The following PRKAA2 variants were observed in gnomAD, a reference collection of about 807,000 sequenced individuals.
PRKAA2 encodes the protein protein kinase AMP-activated catalytic subunit alpha 2.
In PRKAA2, 40 loss-of-function variants were observed where a neutral mutation model predicts 56.3. That is an observed-to-expected ratio of 0.71 (90% CI 0.55 to 0.92). The LOEUF (loss-of-function observed/expected upper bound fraction) is 0.92, where lower values mean the gene tolerates loss of function less well. PRKAA2 is among the 40% of genes least tolerant of loss of function. The pLI, the probability that PRKAA2 is intolerant of heterozygous loss-of-function variation, is 0.00. For synonymous variants in PRKAA2, 214 were observed against 234.2 expected, an observed-to-expected ratio of 0.91 and a Z score of 0.79; for missense variants, 542 against 686.9, an observed-to-expected ratio of 0.79 and a Z score of 2.36.
At chr1:56,647,919 A>G (rs1646656693) in intron 1 of PRKAA2, among the ~76,000 whole-genome samples, 1 of 151,842 alleles carries the variant, frequency 6.6e-6, no homozygotes, top group South Asian at 2.1e-4. Flanking sequence ...AATCCCAGCT[A>G]CTGAGGAGTC....
chr1:56,661,061 C>T (rs925350715), intron 1 of PRKAA2, among the ~76,000 whole-genome samples: 3 of 152,084 alleles, frequency 2.0e-5, no homozygotes, highest in South Asian at 2.1e-4. Context: ...TTACATAACG[C>T]TGCTGATCAC....
intron 7 of PRKAA2, 52 bp from the exon 8 acceptor site, chr1:56,706,040 T>C: frequency 3.3e-6 from 5 of 1,497,556 alleles, no homozygotes; most frequent in Non-Finnish European, 4.5e-6. Flanking sequence ...TTTTTTTGCA[T>C]AAAAAGGTAG....
At chr1:56,691,652 C>G (rs1294188517) in intron 3 of PRKAA2, among the ~76,000 whole-genome samples, 165 bp downstream of exon 3, 1 of 152,136 alleles carries the variant, frequency 6.6e-6, no homozygotes, top group Non-Finnish European at 1.5e-5. Context: ...AAAAAGCATT[C>G]CTTTTGAAAT....
intron 1 of PRKAA2, among the ~76,000 whole-genome samples, chr1:56,668,411 TA>T (rs11353693): frequency 0.43 from 61,084 of 142,182 alleles, 13,129 homozygotes; most frequent in Middle Eastern, 0.53. Flanking sequence ...ACTTAAAGTA[TA>T]AAAAAAAAAA....
intron 2 of PRKAA2, among the ~76,000 whole-genome samples, chr1:56,689,025 A>G (rs1057123079): frequency 2.6e-5 from 4 of 152,236 alleles, no homozygotes; most frequent in Admixed American, 1.3e-4. Flanking sequence ...TAGAGGTTTC[A>G]TGAAATAATT....
At position 56,674,365 on chromosome 1, in the gene PRKAA2, T is replaced by C; in HGVS notation, c.95-16T>C. ...TGATATGATAGCACATTTTTTTTCC[T>C]TTTTCTTTTCTTTAGTTGGAGAACA... is the stretch of plus-strand genomic sequence containing the variant. On this transcript the variant is annotated splice_polypyrimidine_tract_variant and intron_variant, in intron 1 of 8. Coordinates refer to ENST00000371244, the MANE Select transcript of PRKAA2 (RefSeq NM_006252.4). The C allele has an allele frequency of 6.6e-7, 1 of 1,524,552 alleles. No homozygotes were observed. Among genetic ancestry groups the C allele is most frequent in the Admixed American group, 2.4e-5 (1 of 41,900 alleles). 94.4% of individuals were successfully genotyped at this position (1,524,552 alleles called of 1,614,324 possible).
Position 56,645,442 on chromosome 1 carries a change from G to T in PRKAA2, c.55G>T (p.Gly19Cys). Residue 19 changes from glycine (G) to cysteine (C), a missense_variant, in exon 1 of 9, where the codon GGC becomes TGC. Gly to Cys is a radical substitution (Grantham distance 159, BLOSUM62 -3). Coordinates refer to ENST00000371244, the MANE Select transcript of PRKAA2 (RefSeq NM_006252.4). ...GRVKIGHYVLGDTLGVGTFGK... is the reference protein window; with the variant it reads ...GRVKIGHYVLCDTLGVGTFGK... ...GGTGAAGATCGGACACTACGTGCTGGGCGACACGCTGGGCGTCGGCACCTT... is the reference window on the plus strand; with the variant it reads ...GGTGAAGATCGGACACTACGTGCTGTGCGACACGCTGGGCGTCGGCACCTT... 1 of 1,516,526 alleles carries T rather than the reference G, an allele frequency of 6.6e-7. No individual in the cohort carries two copies. Among genetic ancestry groups the T allele is most frequent in the East Asian group, 2.7e-5 (1 of 36,398 alleles). The allele number at this position is 1,516,526 out of a possible 1,614,324, so 93.9% of individuals were successfully genotyped here.
chr1:56,668,716 C>T (rs1478948560), intron 1 of PRKAA2, among the ~76,000 whole-genome samples: 1 of 152,106 alleles, frequency 6.6e-6, no homozygotes, highest in Non-Finnish European at 1.5e-5. Context: ...ATATGAATTA[C>T]TATGGGATGA....
chr1:56,691,162 A>G (rs1177022828), intron 2 of PRKAA2, among the ~76,000 whole-genome samples: 1 of 152,230 alleles, frequency 6.6e-6, no homozygotes, highest in Non-Finnish European at 1.5e-5. Context: ...TTCAAAAATT[A>G]TGTAAACTTG....
At chr1:56,685,558 G>A (rs1323435206) in intron 2 of PRKAA2, among the ~76,000 whole-genome samples, 1 of 152,136 alleles carries the variant, frequency 6.6e-6, no homozygotes, top group Non-Finnish European at 1.5e-5. Context: ...GGCTTCCAAT[G>A]TGTCAGAAAA....
At chr1:56,692,337 A>G (rs1224132500) in intron 3 of PRKAA2, 21 bp from the exon 4 acceptor site, 1 of 1,613,384 alleles carries the variant, frequency 6.2e-7, no homozygotes, top group African/African-American at 1.3e-5. Flanking sequence ...TTCTTAATGC[A>G]GTTTCTTTTG....
intron 2 of PRKAA2, among the ~76,000 whole-genome samples, chr1:56,682,985 G>GGAGA (rs1644165601): frequency 6.6e-6 from 1 of 151,740 alleles, no homozygotes; most frequent in Non-Finnish European, 1.5e-5. Flanking sequence ...TGGTCTAGAT[G>GGAGA]GAGAGAAATG....
intron 1 of PRKAA2, among the ~76,000 whole-genome samples, chr1:56,654,150 A>G (rs1477156595): frequency 6.6e-6 from 1 of 152,114 alleles, no homozygotes; most frequent in East Asian, 1.9e-4. Flanking sequence ...TATAAATTAG[A>G]AAGGATTTTG....
At chr1:56,680,732 C>A (rs898595165) in intron 2 of PRKAA2, among the ~76,000 whole-genome samples, 4 of 152,168 alleles carry the variant, frequency 2.6e-5, no homozygotes, top group African/African-American at 9.7e-5. Context: ...TGTATATGTG[C>A]CACATTTTCT....
intron 1 of PRKAA2, among the ~76,000 whole-genome samples, chr1:56,667,764 G>T (rs1384119727): frequency 2.0e-5 from 3 of 152,104 alleles, no homozygotes; most frequent in African/African-American, 7.2e-5. Context: ...TCACAGATTT[G>T]TGAGAAAGAA....
Position 56,689,897 on chromosome 1 carries a change from GACACACACACAC to G in PRKAA2, c.237-1468_237-1457del, listed in dbSNP as rs3034077. Reference sequence around the variant, plus strand: ...GGATGCCTAGAAACACAGACACACAGACACACACACACACACACACACACACACACACACACA... The same window carrying G: ...GGATGCCTAGAAACACAGACACACAGACACACACACACACACACACACACA... On this transcript the variant is annotated intron_variant, in intron 2 of 8. Coordinates refer to ENST00000371244, the MANE Select transcript of PRKAA2 (RefSeq NM_006252.4). 6.8e-3 allele frequency among the ~76,000 whole-genome samples: 1,001 copies of G among 147,140 alleles called. 14 individuals carry two copies. Among genetic ancestry groups the G allele is most frequent in the South Asian group, 0.039 (178 of 4,530 alleles).
chr1:56,689,636 T>C (rs1173527899), intron 2 of PRKAA2, among the ~76,000 whole-genome samples: 1 of 152,100 alleles, frequency 6.6e-6, no homozygotes, highest in Non-Finnish European at 1.5e-5. Flanking sequence ...GGAGAATTTC[T>C]TGAACCCAGG....
rs1202910443 is a variant in PRKAA2 at position 56,714,305 on chromosome 1, T to G, written c.*6592T>G. On this transcript the variant is annotated 3_prime_UTR_variant, in exon 9 of 9. Coordinates refer to ENST00000371244, the MANE Select transcript of PRKAA2 (RefSeq NM_006252.4). Reference sequence around the variant, plus strand: ...AGTCACGTAACCTCATTTAGTTTTTTGATTTACAAAATGTGGATAATAACC... The same window carrying G: ...AGTCACGTAACCTCATTTAGTTTTTGGATTTACAAAATGTGGATAATAACC... 2.6e-5 allele frequency: 4 copies of G among 152,184 alleles called. No homozygotes were observed. The East Asian group carries it at 7.7e-4, about 29-fold the overall frequency. 9.4% of individuals were successfully genotyped at this position (152,184 alleles called of 1,614,324 possible). A position where few individuals can be genotyped will look rare whatever the true frequency, so the allele number is the denominator to read the frequency against.
rs189941613 is a variant in PRKAA2, at chr1:56,650,466, T to A, written c.94+4985T>A. Among the ~76,000 whole-genome samples the A allele has an allele frequency of 1.4e-3, 216 of 152,330 alleles. 2 individuals are homozygous for A. Among genetic ancestry groups the A allele is most frequent in the South Asian group, 5.0e-3 (24 of 4,832 alleles). On this transcript the variant is annotated intron_variant, in intron 1 of 8. Coordinates refer to ENST00000371244, the MANE Select transcript of PRKAA2 (RefSeq NM_006252.4). The stretch of plus-strand genomic sequence containing the variant: ...TGTTAGAGAGTTCTTGTAATTAGAC[T>A]TGTTCATTTCTTATCTAACTTCTCT...
Sources: gnomAD v4.1 joint callset for allele counts (sites outside exome capture counted in the v4.1 genomes callset) on GRCh38, gnomAD v4.1.1 for gene constraint, MANE v1.5 for transcripts, NCBI Gene and HGNC (gene_info 2026-07-23, HGNC 2026-07-21) for gene names.